Variants in DISC1 observed in about 807,000 individuals in gnomAD.
DISC1 encodes the protein disrupted in schizophrenia 1 protein.
A neutral mutation model predicts 84.5 loss-of-function variants in DISC1; 57 were observed. The ratio of observed to expected loss-of-function variants is 0.67; its 90% confidence interval spans 0.55 to 0.84. The LOEUF is 0.84. Among genes scored for constraint, DISC1 ranks in the 40% least tolerant of loss-of-function variants. The pLI, the probability that DISC1 is intolerant of heterozygous loss-of-function variation, is 0.00. For missense variants in DISC1, 1,000 were observed against 1,057.8 expected (o/e 0.95, Z 0.76); for synonymous variants, 411 against 415.2 (o/e 0.99, Z 0.12).
intron 1 of DISC1, among the ~76,000 whole-genome samples, chr1:231,686,445 G>A (rs1260245964): frequency 6.6e-6 from 1 of 152,200 alleles, no homozygotes; most frequent in Non-Finnish European, 1.5e-5. Flanking sequence ...CAAGGCTTAG[G>A]GCTTGGACCC....
intron 1 of DISC1, among the ~76,000 whole-genome samples, chr1:231,681,055 T>TA (rs922130980): frequency 1.3e-5 from 2 of 152,212 alleles, no homozygotes; most frequent in East Asian, 1.9e-4. Flanking sequence ...GGGCAGCAGT[T>TA]AAAAAATTCA....
intron 3 of DISC1, among the ~76,000 whole-genome samples, chr1:231,737,183 G>A (rs1199111786): frequency 6.6e-6 from 1 of 152,156 alleles, no homozygotes; most frequent in East Asian, 1.9e-4. Flanking sequence ...TATTGCTGAG[G>A]TCCTACAAGT....
chr1:231,886,065 AG>A (rs1186773939), intron 9 of DISC1, among the ~76,000 whole-genome samples: 2 of 152,096 alleles, frequency 1.3e-5, no homozygotes, highest in Admixed American at 6.6e-5. Flanking sequence ...AAAGCAAGCA[AG>A]GGGGGGCCAA....
chr1:231,996,541 T>C (rs200969836), intron 10 of DISC1, among the ~76,000 whole-genome samples: 36 of 152,242 alleles, frequency 2.4e-4, no homozygotes, highest in Non-Finnish European at 4.0e-4. Flanking sequence ...AGTGAACATA[T>C]TAATAAATCA....
intron 3 of DISC1, among the ~76,000 whole-genome samples, chr1:231,740,701 A>G (rs1379570443): frequency 1.3e-5 from 2 of 152,172 alleles, no homozygotes; most frequent in African/African-American, 2.4e-5. Flanking sequence ...ATATAATGAG[A>G]TATCTTCAGG....
At chr1:232,027,145 T>G (rs1435887204) in intron 12 of DISC1, among the ~76,000 whole-genome samples, 1 of 152,126 alleles carries the variant, frequency 6.6e-6, no homozygotes, top group Non-Finnish European at 1.5e-5. Flanking sequence ...TTCAAGTGAG[T>G]GTAAATCCAG....
chr1:231,761,352 G>A (rs1302142475), intron 4 of DISC1, among the ~76,000 whole-genome samples: 1 of 152,154 alleles, frequency 6.6e-6, no homozygotes, highest in African/African-American at 2.4e-5. Flanking sequence ...AAATATAAAG[G>A]GGACAACATT....
rs939805158 is a variant in DISC1, at chr1:231,954,322, A to T, written c.1982-4506A>T. On this transcript the variant is annotated intron_variant, in intron 9 of 12. Transcript: ENST00000439617. This position sits in a 1 kb window ranked among gnomAD's most constrained non-coding sequence, Gnocchi z 4.8. Reference sequence around the variant, plus strand: ...CTTGCATGAAGGAGGACCCAGATTGAACTCCTGTAGCATGATGTGTGTTTC... The same window carrying T: ...CTTGCATGAAGGAGGACCCAGATTGTACTCCTGTAGCATGATGTGTGTTTC... Among the ~76,000 whole-genome samples, 3 of 152,310 alleles carry T rather than the reference A, an allele frequency of 2.0e-5. No homozygotes were observed. The highest frequency in any genetic ancestry group is 7.2e-5 in the African/African-American group (3 of 41,576).
chr1:231,867,482 C>G (rs1304958669), intron 9 of DISC1, among the ~76,000 whole-genome samples: 2 of 152,078 alleles, frequency 1.3e-5, no homozygotes, highest in Non-Finnish European at 1.5e-5. Flanking sequence ...GTGAGGTACC[C>G]AGGAGGAGCA....
intron 3 of DISC1, among the ~76,000 whole-genome samples, chr1:231,703,525 T>G (rs570730439): frequency 7.9e-5 from 12 of 152,350 alleles, no homozygotes; most frequent in Admixed American, 7.2e-4. Context: ...TCTCTACCTT[T>G]AATGACACTG....
intron 1 of DISC1, among the ~76,000 whole-genome samples, chr1:231,629,918 A>G (rs534102894): frequency 6.6e-6 from 1 of 152,308 alleles, no homozygotes; most frequent in East Asian, 1.9e-4. Flanking sequence ...GAGAGGGTAC[A>G]ATGGTGACCT....
chr1:231,658,290 T>G (rs2061303345), intron 1 of DISC1, among the ~76,000 whole-genome samples: 1 of 152,210 alleles, frequency 6.6e-6, no homozygotes, highest in African/African-American at 2.4e-5. Flanking sequence ...TTGCCTGTTG[T>G]TGGTGTGTAG....
At chr1:231,642,442 G>A (rs148596923) in intron 1 of DISC1, among the ~76,000 whole-genome samples, 1,528 of 152,362 alleles carry the variant, frequency 0.01, 10 homozygotes, top group Non-Finnish European at 0.016. Context: ...CGCGGGCTGC[G>A]AGGACTGCCA....
rs1264125686 is a variant in DISC1, at chr1:231,759,545, A to AC, written c.1269-7595_1269-7594insC. ...TCTCTACAAAAAAAAAAAAAAAAAA[A>AC]AAAAAACAAAACTAGCCAAATGCGG... is the stretch of plus-strand genomic sequence containing the variant. On this transcript the variant is annotated intron_variant, in intron 4 of 12. Transcript: ENST00000439617. 3.8e-3 allele frequency among the ~76,000 whole-genome samples: 553 copies of AC among 144,514 alleles called. 2 individuals are homozygous for AC. Among genetic ancestry groups the AC allele is most frequent in the Middle Eastern group, 6.9e-3 (2 of 290 alleles). 94.8% of individuals were successfully genotyped at this position (144,514 alleles called of 152,430 possible).
chr1:231,948,159 T>C (rs926627343), intron 9 of DISC1, among the ~76,000 whole-genome samples: 1 of 152,230 alleles, frequency 6.6e-6, no homozygotes, highest in Non-Finnish European at 1.5e-5. Context: ...TGCACACTTA[T>C]GTTTATTGTG....
At position 231,715,645 on chromosome 1, in the gene DISC1, T is replaced by C. The variant is rs141308684; in HGVS notation, c.1117+13621T>C. ...CACATTTTCTCACTGAATTGACTGA[T>C]TGATGAATTCAGTTGGCAGAATTAA... is the stretch of plus-strand genomic sequence containing the variant. On this transcript the variant is annotated intron_variant, in intron 3 of 12. Coordinates refer to ENST00000439617, the MANE Select transcript of DISC1 (RefSeq NM_018662.3). Among the ~76,000 whole-genome samples the C allele has an allele frequency of 3.0e-3, 451 of 152,352 alleles. 4 individuals carry two copies. The highest frequency in any genetic ancestry group is 5.0e-3 in the Non-Finnish European group (337 of 68,022).
chr1:231,775,533 G>T (rs1245356502), intron 6 of DISC1, among the ~76,000 whole-genome samples: 1 of 152,200 alleles, frequency 6.6e-6, no homozygotes. Flanking sequence ...AGGAGGAGAT[G>T]AAGTGTTACC....
At chr1:231,905,402 TGAG>T (rs2126037009) in intron 9 of DISC1, among the ~76,000 whole-genome samples, 2 of 152,244 alleles carry the variant, frequency 1.3e-5, no homozygotes, top group East Asian at 1.9e-4. Flanking sequence ...GAGGATTGCT[TGAG>T]CCTGAGAGTT....
intron 8 of DISC1, among the ~76,000 whole-genome samples, chr1:231,805,913 G>C (rs2079673036): frequency 6.6e-6 from 1 of 152,194 alleles, no homozygotes; most frequent in South Asian, 2.1e-4. Context: ...AGTTAGTAGA[G>C]AGAAACTTGG....
Sources: gnomAD v4.1 joint callset for allele counts (sites outside exome capture counted in the v4.1 genomes callset) on GRCh38, gnomAD v4.1.1 for gene constraint, Gnocchi (gnomAD v3.1) non-coding constraint, MANE v1.5 for transcripts, NCBI Gene and HGNC (gene_info 2026-07-23, HGNC 2026-07-21) for gene names.